The following ZNF451 variants were observed in gnomAD, a reference collection of about 807,000 sequenced individuals.
ZNF451 encodes E3 SUMO-protein ligase ZNF451.
ZNF451 carries 80 observed loss-of-function variants against 107.1 expected under a neutral mutation model. The observed-to-expected ratio is 0.75, with a 90% CI of 0.62 to 0.90. ZNF451 has a LOEUF of 0.90. Ranked by LOEUF, ZNF451 falls within the 40% of genes least tolerant of loss-of-function variation. The pLI is 0.00. For synonymous variants in ZNF451, 362 were observed against 406.5 expected, an observed-to-expected ratio of 0.89 and a Z score of 1.32; for missense variants, 1,107 against 1,236.2, an observed-to-expected ratio of 0.90 and a Z score of 1.57.
chr6:57,096,810 C>G (rs1593074313), intron 2 of ZNF451, among the ~76,000 whole-genome samples: 2 of 99,902 alleles, frequency 2.0e-5, no homozygotes, highest in Non-Finnish European at 1.8e-5. Context: ...GAGTCTTGCT[C>G]TGTTGCCCAG....
intron 3 of ZNF451, chr6:57,103,142 C>T: frequency 1.0e-6 from 1 of 985,416 alleles, no homozygotes; most frequent in Non-Finnish European, 1.2e-6. Flanking sequence ...ATCTGAACTC[C>T]TAAGACCAAG....
intron 3 of ZNF451, chr6:57,104,241 A>G (rs1244004118): frequency 5.1e-6 from 5 of 985,404 alleles, no homozygotes; most frequent in Non-Finnish European, 6.0e-6. Context: ...ACATTTTTGT[A>G]GCTTATGTGT....
intron 7 of ZNF451, among the ~76,000 whole-genome samples, chr6:57,140,498 G>C (rs982073387): frequency 2.0e-5 from 3 of 152,110 alleles, no homozygotes; most frequent in Non-Finnish European, 4.4e-5. Flanking sequence ...TGAATTGGTA[G>C]AGCCTTTTTG....
At chr6:57,158,934 A>G (rs964468755) in intron 13 of ZNF451, 5 of 985,384 alleles carry the variant, frequency 5.1e-6, no homozygotes, top group Non-Finnish European at 6.0e-6. Flanking sequence ...CATATAGAGC[A>G]TAAACATTCA....
At chr6:57,152,914 A>G (rs1352902642) in intron 12 of ZNF451, among the ~76,000 whole-genome samples, 1 of 152,144 alleles carries the variant, frequency 6.6e-6, no homozygotes, top group Non-Finnish European at 1.5e-5. Context: ...TATTTGATAT[A>G]TATTAAGACA....
intron 13 of ZNF451, 56 bp from the exon 14 acceptor site, chr6:57,161,028 T>C (rs1763649399): frequency 8.8e-6 from 10 of 1,134,450 alleles, no homozygotes; most frequent in African/African-American, 4.8e-5. Context: ...GAAAATAATA[T>C]TGAGAATACA....
At position 57,141,970 on chromosome 6, in the gene ZNF451, A is replaced by G. The variant is rs1284130918; in HGVS notation, c.879A>G (p.Pro293=). 2.5e-6 allele frequency: 4 copies of G among 1,613,838 alleles called. No homozygotes were observed. Among genetic ancestry groups the G allele is most frequent in the African/African-American group, 1.3e-5 (1 of 74,952 alleles). The change falls in exon 9 of 15, where the codon CCA becomes CCG. Residue 293 remains proline (P), a synonymous_variant. Coordinates refer to ENST00000370706, the MANE Select transcript of ZNF451 (RefSeq NM_001031623.3). ...CAGATAACAAAGGAATTGCACATCCAATATCTTTCCCATCTTTTGCAAAGA... is the reference window on the plus strand; with the variant it reads ...CAGATAACAAAGGAATTGCACATCCGATATCTTTCCCATCTTTTGCAAAGA... The part of the protein sequence containing the change: ...KLGDNKGIAH[P]ISFPSFAKKL...
intron 3 of ZNF451, chr6:57,107,118 C>T (rs927947570): frequency 1.3e-4 from 125 of 985,182 alleles, no homozygotes; most frequent in Non-Finnish European, 1.4e-4. Flanking sequence ...ATTTTGTTTG[C>T]TTCCTGTGGG....
At chr6:57,095,838 G>C (rs569261075) in intron 2 of ZNF451, among the ~76,000 whole-genome samples, 1 of 149,498 alleles carries the variant, frequency 6.7e-6, no homozygotes, top group Non-Finnish European at 1.5e-5. Context: ...TGTTGTTGTT[G>C]TTGAGACAAG....
chr6:57,166,148 C>T (rs1169097710), intron 14 of ZNF451, among the ~76,000 whole-genome samples: 3 of 152,288 alleles, frequency 2.0e-5, no homozygotes, highest in African/African-American at 7.2e-5. Context: ...CCACCTCAGC[C>T]TCCCAAGTAG....
chr6:57,159,373 T>C, intron 13 of ZNF451: 1 of 985,462 alleles, frequency 1.0e-6, no homozygotes, highest in Non-Finnish European at 1.2e-6. Context: ...TGACTTTAAA[T>C]TGTAATAACA....
chr6:57,107,454 A>C (rs779312919), intron 3 of ZNF451: 5 of 985,412 alleles, frequency 5.1e-6, no homozygotes, highest in Non-Finnish European at 6.0e-6. Flanking sequence ...TTTTGAACTT[A>C]AATCAACTTT....
intron 9 of ZNF451, 129 bp downstream of exon 9, chr6:57,142,224 C>A: frequency 1.9e-6 from 2 of 1,079,608 alleles, no homozygotes; most frequent in East Asian, 2.4e-5. Flanking sequence ...TGGAAATTAG[C>A]CAAATTTAAC....
In ZNF451 at chr6:57,133,091, A is replaced by G. The variant is rs755979596; in HGVS notation, c.474A>G (p.Arg158=). ...INCGTKSSFR[R]GGHTWVSGKP... is the part of the protein sequence containing the mutation. ...GTGGAACAAAAAGTTCATTCCGAAG[A>G]GGAGGCCACACGTGGGTGTCTGGGA... The change falls in exon 6 of 15, where the codon AGA becomes AGG. Residue 158 remains arginine, a synonymous_variant. Coordinates refer to ENST00000370706, the MANE Select transcript of ZNF451 (RefSeq NM_001031623.3). The G allele has an allele frequency of 1.2e-6, 2 of 1,614,058 alleles. No individual in the cohort carries two copies. The highest frequency in any genetic ancestry group is 1.3e-5 in the African/African-American group (1 of 74,956).
At chr6:57,135,340 A>T (rs979825979) in intron 7 of ZNF451, among the ~76,000 whole-genome samples, 2 of 152,190 alleles carry the variant, frequency 1.3e-5, no homozygotes, top group African/African-American at 4.8e-5. Context: ...TGATTCATGG[A>T]TATGCACATC....
At chr6:57,158,246 C>G (rs1408965822) in intron 13 of ZNF451, among the ~76,000 whole-genome samples, 2 of 152,128 alleles carry the variant, frequency 1.3e-5, no homozygotes, top group Non-Finnish European at 2.9e-5. Context: ...TAACCATGTC[C>G]TTGAAGAATG....
intron 13 of ZNF451, among the ~76,000 whole-genome samples, chr6:57,154,960 G>A (rs1421935732): frequency 1.3e-5 from 2 of 151,864 alleles, no homozygotes; most frequent in Non-Finnish European, 2.9e-5. Flanking sequence ...GAATTTTGCT[G>A]TAATCACTGA....
chr6:57,117,476 G>GTGCT (rs1830428784), intron 3 of ZNF451, among the ~76,000 whole-genome samples: 1 of 152,158 alleles, frequency 6.6e-6, no homozygotes, highest in African/African-American at 2.4e-5. Flanking sequence ...TGGTAGGCTA[G>GTGCT]TGATTAATTT....
At position 57,169,492 on chromosome 6, in the gene ZNF451, A is replaced by G. The variant is rs1764040151; in HGVS notation, c.*1023A>G. The stretch of plus-strand genomic sequence containing the variant: ...CATATTATCTTTGTGTATATGCTTC[A>G]TGTTATTTAACCAGAAATGTCTTAT... On this transcript the variant is annotated 3_prime_UTR_variant, in exon 15 of 15. Transcript: ENST00000370706. 6.6e-6 allele frequency: 1 copy of G among 152,160 alleles called. No individual in the cohort carries two copies. The highest frequency in any genetic ancestry group is 2.4e-5 in the African/African-American group (1 of 41,456). 9.4% of individuals were successfully genotyped at this position (152,160 alleles called of 1,614,324 possible). A position where few individuals can be genotyped will look rare whatever the true frequency, so the allele number is the denominator to read the frequency against.
Sources: allele counts gnomAD v4.1 joint callset (sites outside exome capture counted in the v4.1 genomes callset), GRCh38; gene constraint gnomAD v4.1.1; transcripts MANE v1.5; gene names NCBI Gene and HGNC (gene_info 2026-07-23, HGNC 2026-07-21).